The following HDHD2 variants were observed in gnomAD, a reference collection of about 807,000 sequenced individuals.
HDHD2 encodes the protein haloacid dehalogenase-like hydrolase domain-containing protein 2.
Under a neutral mutation model 24.8 loss-of-function variants are expected in HDHD2, and 26 were observed. The ratio of observed to expected loss-of-function variants is 1.05; its 90% CI spans 0.77 to 1.45. HDHD2 has a LOEUF of 1.45. HDHD2 is among the 40% of genes most tolerant of loss of function. HDHD2 has a pLI of 0.00. For synonymous variants in HDHD2, 128 were observed against 114.9 expected (o/e 1.11, Z -0.73); for missense variants, 299 against 313.4 (o/e 0.95, Z 0.35).
At chr18:47,123,970 A>T (rs898026612) in intron 4 of HDHD2, among the ~76,000 whole-genome samples, 6 of 152,244 alleles carry the variant, frequency 3.9e-5, no homozygotes, top group Non-Finnish European at 5.9e-5. Context: ...CTTATTATGA[A>T]GCTACAATAA....
intron 4 of HDHD2, among the ~76,000 whole-genome samples, chr18:47,126,598 G>A (rs2063660483): frequency 6.6e-6 from 1 of 152,006 alleles, no homozygotes; most frequent in African/African-American, 2.4e-5. Flanking sequence ...TCTTAAAAAG[G>A]CTTCATCTAT....
At chr18:47,144,799 C>CAAAAA (rs200234127) in intron 1 of HDHD2, among the ~76,000 whole-genome samples, 5 of 60,772 alleles carry the variant, frequency 8.2e-5, no homozygotes, top group Non-Finnish European at 9.9e-5. Flanking sequence ...GACCCTGTCT[C>CAAAAA]AAAAAAAAAA....
chr18:47,113,158 A>G, intron 5 of HDHD2, 118 bp from the exon 6 acceptor site: 1 of 809,242 alleles, frequency 1.2e-6, no homozygotes, highest in Non-Finnish European at 2.1e-6. Flanking sequence ...TTTTATTGAA[A>G]TAGAAAAGAG....
At chr18:47,136,511 G>T (rs953834569) in intron 1 of HDHD2, 62 bp from the exon 2 acceptor site, 29 of 1,368,396 alleles carry the variant, frequency 2.1e-5, no homozygotes, top group Non-Finnish European at 2.7e-5. Flanking sequence ...TTAAAAACTG[G>T]TAAGTATTCA....
rs150953525 is a variant in HDHD2 at position 47,134,656 on chromosome 18, T to C, written c.150A>G (p.Lys50=). The change falls in exon 3 of 7, where the codon AAA becomes AAG. Residue 50 remains lysine, a synonymous_variant. Transcript: ENST00000300605. ...TTTCTAACAGGTCTTGCTTGCTCTC[T>C]TTGGTTGTATTGGTCACAAACCTAA... ...VIIRFVTNTT[K]ESKQDLLERL... The C allele has an allele frequency of 6.4e-5, 104 of 1,614,096 alleles. No homozygotes were observed. Among genetic ancestry groups the C allele is most frequent in the Non-Finnish European group, 8.5e-5 (100 of 1,180,026 alleles).
intron 1 of HDHD2, among the ~76,000 whole-genome samples, chr18:47,145,051 A>C (rs1248447563): frequency 6.6e-6 from 1 of 152,234 alleles, no homozygotes; most frequent in Non-Finnish European, 1.5e-5. Flanking sequence ...AAAGACTATC[A>C]GTGTGCAAAT....
intron 1 of HDHD2, among the ~76,000 whole-genome samples, chr18:47,142,607 G>A (rs1787250963): frequency 6.6e-6 from 1 of 152,126 alleles, no homozygotes; most frequent in Non-Finnish European, 1.5e-5. Context: ...AAGTGTGAGG[G>A]CAAAAGTGGG....
In HDHD2 at chr18:47,107,768, T is replaced by C. The variant is rs757329833; in HGVS notation, c.*914A>G. ...ATCTGTCCCAATAGCTTCTAAAAAA[T>C]TTTTCCCATAGTGTCAGAGGCAAAA... On this transcript the variant is annotated 3_prime_UTR_variant, in exon 7 of 7. Coordinates refer to ENST00000300605, the MANE Select transcript of HDHD2 (RefSeq NM_032124.5). 6.6e-6 allele frequency: 1 copy of C among 152,548 alleles called. No homozygotes were observed. The highest frequency in any genetic ancestry group is 1.5e-5 in the Non-Finnish European group (1 of 68,016). The allele number at this position is 152,548 out of a possible 1,614,324, so 9.4% of individuals were successfully genotyped here.
In HDHD2 at chr18:47,130,103, T is replaced by C. The variant is rs1474722072; in HGVS notation, c.395+141A>G. ...CAAGATAGTAATACATATTATTTGA[T>C]GCTGATCTTGAAGATGTCTATCCTA... On this transcript the variant is annotated intron_variant, in intron 4 of 6. Transcript: ENST00000300605. The C allele has an allele frequency of 7.5e-6, 4 of 534,676 alleles. No individual in the cohort carries two copies. In the East Asian group the frequency reaches 9.4e-5, roughly 13 times the overall value. 33.1% of individuals were successfully genotyped at this position (534,676 alleles called of 1,614,324 possible).
At chr18:47,144,753 T>C (rs915310520) in intron 1 of HDHD2, among the ~76,000 whole-genome samples, 6 of 137,802 alleles carry the variant, frequency 4.4e-5, no homozygotes, top group Admixed American at 3.2e-4. Flanking sequence ...AGAGCTATGA[T>C]AGCACCACTG....
intron 1 of HDHD2, among the ~76,000 whole-genome samples, chr18:47,140,418 TATTAA>T (rs1274863321): frequency 1.6e-4 from 25 of 152,380 alleles, no homozygotes; most frequent in African/African-American, 5.3e-4. Flanking sequence ...ATCATTGCTA[TATTAA>T]ATTATTTTAA....
At chr18:47,128,850 T>C (rs966868352) in intron 4 of HDHD2, among the ~76,000 whole-genome samples, 1 of 152,226 alleles carries the variant, frequency 6.6e-6, no homozygotes, top group African/African-American at 2.4e-5. Context: ...CAGCAAACAA[T>C]GTGCCCAAAT....
chr18:47,137,823 C>T (rs1301430619), intron 1 of HDHD2, among the ~76,000 whole-genome samples: 2 of 151,704 alleles, frequency 1.3e-5, no homozygotes, highest in Non-Finnish European at 2.9e-5. Flanking sequence ...AAAAAAAATC[C>T]TATTTTTCCC....
At chr18:47,149,363 T>G (rs1024910093) in intron 1 of HDHD2, among the ~76,000 whole-genome samples, 4 of 152,180 alleles carry the variant, frequency 2.6e-5, no homozygotes, top group Non-Finnish European at 4.4e-5. Context: ...AAATTTTCTT[T>G]CCTTCCCTAT....
At chr18:47,114,720 A>G (rs76905301) in intron 5 of HDHD2, among the ~76,000 whole-genome samples, 1 of 152,182 alleles carries the variant, frequency 6.6e-6, no homozygotes, top group Non-Finnish European at 1.5e-5. Flanking sequence ...TATGCTAAGG[A>G]AAAAAACAAT....
chr18:47,117,998 C>T (rs187686480), intron 4 of HDHD2, among the ~76,000 whole-genome samples: 11 of 151,614 alleles, frequency 7.3e-5, no homozygotes, highest in African/African-American at 2.4e-4. Flanking sequence ...TTATTTCTTA[C>T]AATTATAATA....
At chr18:47,139,025 G>C (rs1236455711) in intron 1 of HDHD2, among the ~76,000 whole-genome samples, 2 of 152,178 alleles carry the variant, frequency 1.3e-5, no homozygotes, top group Non-Finnish European at 2.9e-5. Context: ...GAGGCTGATA[G>C]GAGGGTGAAC....
chr18:47,111,084 T>C, intron 6 of HDHD2: 1 of 985,292 alleles, frequency 1.0e-6, no homozygotes, highest in Non-Finnish European at 1.2e-6. Context: ...TTTAGAACAG[T>C]AGGGTTATTC....
chr18:47,122,109 T>C (rs1747601797), intron 4 of HDHD2, among the ~76,000 whole-genome samples: 1 of 152,156 alleles, frequency 6.6e-6, no homozygotes, highest in Admixed American at 6.5e-5. Flanking sequence ...ATCACTGAAT[T>C]CCCTACTTAA....
Sources: allele counts gnomAD v4.1 joint callset (sites outside exome capture counted in the v4.1 genomes callset), GRCh38; gene constraint gnomAD v4.1.1; transcripts MANE v1.5; gene names NCBI Gene and HGNC (gene_info 2026-07-23, HGNC 2026-07-21).